BPIFB4: variants seen among roughly 807,000 people sequenced by gnomAD.
BPIFB4 encodes BPI fold-containing family B member 4.
Under a neutral mutation model 69.2 loss-of-function variants are expected in BPIFB4, and 62 were observed. That is an observed-to-expected ratio of 0.90 (90% CI 0.73 to 1.11). BPIFB4 has a LOEUF of 1.11. Among genes scored for constraint, BPIFB4 ranks in the 50% least tolerant of loss-of-function variants. The pLI, the probability that BPIFB4 is intolerant of heterozygous loss-of-function variation, is 0.00. For synonymous variants in BPIFB4, 330 were observed against 332.7 expected, an observed-to-expected ratio of 0.99 and a Z score of 0.09; for missense variants, 789 against 792.0, an observed-to-expected ratio of 1.00 and a Z score of 0.04.
intron 11 of BPIFB4, among the ~76,000 whole-genome samples, chr20:33,094,085 T>C (rs987134557): frequency 2.6e-5 from 4 of 152,356 alleles, no homozygotes; most frequent in African/African-American, 7.2e-5. Context: ...AAAACCATCA[T>C]ACAAATGATG....
intron 10 of BPIFB4, 107 bp downstream of exon 10, chr20:33,090,906 T>C: frequency 7.5e-7 from 1 of 1,337,682 alleles, no homozygotes; most frequent in Non-Finnish European, 1.0e-6. Context: ...AAGTAACACT[T>C]GACAGGACCC....
At position 33,100,420 on chromosome 20, in the gene BPIFB4, C is replaced by T. The variant is rs945375154; in HGVS notation, c.1570-6C>T. 5 of 1,590,364 alleles carry T rather than the reference C, an allele frequency of 3.1e-6. No homozygotes were observed. The highest frequency in any genetic ancestry group is 4.3e-6 in the Non-Finnish European group (5 of 1,158,594). ...GTGACGTCTTTCTCCTTTCCTTTCC[C>T]TCCAGGACACAGAATTCTTGGCCTC... On this transcript the variant is annotated splice_region_variant and splice_polypyrimidine_tract_variant and intron_variant, in intron 13 of 17. Transcript: ENST00000375483.
At position 33,083,363 on chromosome 20, in the gene BPIFB4, C is replaced by A; in HGVS notation, c.170-4C>A. 6.2e-7 allele frequency: 1 copy of A among 1,611,002 alleles called. No homozygotes were observed. Among genetic ancestry groups the A allele is most frequent in the Non-Finnish European group, 8.5e-7 (1 of 1,178,020 alleles). On this transcript the variant is annotated splice_region_variant and splice_polypyrimidine_tract_variant and intron_variant, in intron 4 of 17. Coordinates refer to ENST00000375483, the MANE Select transcript of BPIFB4 (RefSeq NM_182519.3). ...TGACTACAGACGCATTGAATTCCCC[C>A]GAGGTGTTGGTGATATTCCCTACAA... is the stretch of plus-strand genomic sequence containing the variant.
At chr20:33,087,583 A>G (rs1242005602) in intron 7 of BPIFB4, among the ~76,000 whole-genome samples, 3 of 152,148 alleles carry the variant, frequency 2.0e-5, no homozygotes, top group African/African-American at 4.8e-5. Flanking sequence ...TGTCCTGACA[A>G]GTAAGGTCAC....
chr20:33,111,294 C>T (rs572862395), intron 17 of BPIFB4, 120 bp from the exon 18 acceptor site: 21 of 1,332,236 alleles, frequency 1.6e-5, no homozygotes, highest in East Asian at 7.2e-5. Flanking sequence ...CCTTTATCTC[C>T]GCTGTTCAGA....
At chr20:33,092,694 C>A (rs995749813) in intron 11 of BPIFB4, 36 bp downstream of exon 11, 2 of 1,558,644 alleles carry the variant, frequency 1.3e-6, no homozygotes, top group East Asian at 4.5e-5. Context: ...GGTGGCTGGG[C>A]AGCAGACAGC....
At chr20:33,085,243 T>A (rs1177871627) in intron 6 of BPIFB4, among the ~76,000 whole-genome samples, 2 of 151,908 alleles carry the variant, frequency 1.3e-5, no homozygotes, top group Non-Finnish European at 2.9e-5. Flanking sequence ...TCATCTGAGG[T>A]CAGGAGTTCG....
chr20:33,079,945 C>T (rs904505025), intron 1 of BPIFB4, among the ~76,000 whole-genome samples: 44 of 152,186 alleles, frequency 2.9e-4, no homozygotes, highest in African/African-American at 1.0e-3. Context: ...ACGTTGGGTA[C>T]CGAGGGCCTT....
At chr20:33,089,467 A>G (rs1379519216) in intron 8 of BPIFB4, 31 bp from the exon 9 acceptor site, 1 of 1,614,206 alleles carries the variant, frequency 6.2e-7, no homozygotes, top group Admixed American at 1.7e-5. Context: ...CTGCAGCGTC[A>G]ACAAGGCTTT....
chr20:33,111,556 T>A lies in BPIFB4; in HGVS notation c.*119T>A. ...TCAGCCTCCATGACAGGTCCCTCCC[T>A]GGCCCCCCAACCCTCTTCCTCCCTT... On this transcript the variant is annotated 3_prime_UTR_variant, in exon 18 of 18. Coordinates refer to ENST00000375483, the MANE Select transcript of BPIFB4 (RefSeq NM_182519.3). 7.7e-7 allele frequency: 1 copy of A among 1,294,242 alleles called. No homozygotes were observed. The allele number at this position is 1,294,242 out of a possible 1,614,324, so 80.2% of individuals were successfully genotyped here. A position where few individuals can be genotyped will look rare whatever the true frequency, so the allele number is the denominator to read the frequency against.
chr20:33,107,246 A>G (rs1982089340), intron 16 of BPIFB4, among the ~76,000 whole-genome samples: 1 of 128,560 alleles, frequency 7.8e-6, no homozygotes, highest in Non-Finnish European at 1.8e-5. Flanking sequence ...AGGAAAGAAA[A>G]GAAAAGAAAA....
Position 33,093,853 on chromosome 20 carries a change from TCCA to T in BPIFB4, c.1344+1196_1344+1198del, listed in dbSNP as rs570235674. Among the ~76,000 whole-genome samples the T allele has an allele frequency of 6.4e-3, 976 of 151,898 alleles. 9 individuals carry two copies. Among genetic ancestry groups the T allele is most frequent in the African/African-American group, 0.022 (902 of 41,452 alleles). On this transcript the variant is annotated intron_variant, in intron 11 of 17. Transcript: ENST00000375483. ...CACAATTCATCCATCCATCCATCCA[TCCA>T]TCCATCCACCAATCCATCCATCCAT...
rs371608315 is a variant in BPIFB4 at position 33,089,000 on chromosome 20, C to T, written c.961C>T (p.Arg321Ter). ...LPNLVDNLVNRVLADVLPDLL... is the reference protein window; with the variant it reads ...LPNLVDNLVN ...CAATCTCGTGGACAATTTAGTGAAC[C>T]GAGTCCTGGCCGACGTCCTCCCTGA... The change falls in exon 8 of 18, where the codon CGA becomes TGA. Residue 321 changes from arginine to a stop codon, truncating the protein, a stop_gained. Coordinates refer to ENST00000375483, the MANE Select transcript of BPIFB4 (RefSeq NM_182519.3). LOFTEE classifies it high-confidence loss of function. 3 of 1,613,852 alleles carry T rather than the reference C, an allele frequency of 1.9e-6. No homozygotes were observed. The highest frequency in any genetic ancestry group is 1.7e-5 in the Admixed American group (1 of 59,998).
intron 11 of BPIFB4, 27 bp downstream of exon 11, chr20:33,092,685 G>C: frequency 6.3e-7 from 1 of 1,586,660 alleles, no homozygotes. Context: ...CCAGGGGGAG[G>C]TGGCTGGGCA....
At chr20:33,101,374 A>G (rs538368743) in intron 14 of BPIFB4, among the ~76,000 whole-genome samples, 145 of 152,202 alleles carry the variant, frequency 9.5e-4, no homozygotes, top group Non-Finnish European at 1.5e-3. Context: ...TGATGTGACC[A>G]CTGACTGACT....
intron 11 of BPIFB4, 115 bp from the exon 12 acceptor site, chr20:33,094,985 C>T (rs756429934): frequency 7.8e-5 from 81 of 1,040,584 alleles, no homozygotes; most frequent in Middle Eastern, 2.1e-4. Context: ...GGAGAGAAGA[C>T]GAAGACGCCC....
intron 7 of BPIFB4, 114 bp downstream of exon 7, chr20:33,086,278 T>G: frequency 7.4e-7 from 1 of 1,354,238 alleles, no homozygotes; most frequent in South Asian, 1.4e-5. Flanking sequence ...AGGACGATGA[T>G]GCTGTGGGGT....
intron 10 of BPIFB4, among the ~76,000 whole-genome samples, chr20:33,092,080 C>T (rs1569002579): frequency 6.6e-6 from 1 of 152,138 alleles, no homozygotes; most frequent in Non-Finnish European, 1.5e-5. Flanking sequence ...GACAGAGTGG[C>T]TTGGAGGCTG....
intron 16 of BPIFB4, among the ~76,000 whole-genome samples, chr20:33,106,358 G>A (rs555209206): frequency 1.1e-4 from 17 of 150,256 alleles, no homozygotes; most frequent in Admixed American, 2.7e-4. Flanking sequence ...TGATGCTGGG[G>A]ACACAGCTCT....
Sources: gnomAD v4.1 joint callset for allele counts (sites outside exome capture counted in the v4.1 genomes callset) on GRCh38, gnomAD v4.1.1 for gene constraint, MANE v1.5 for transcripts, NCBI Gene and HGNC (gene_info 2026-07-23, HGNC 2026-07-21) for gene names.